Variants in MPP4 observed in about 807,000 individuals in gnomAD.
MPP4 encodes MAGUK p55 scaffold protein 4.
Under a neutral mutation model 98.3 loss-of-function variants are expected in MPP4, and 91 were observed. The observed-to-expected ratio is 0.93, with a 90% confidence interval of 0.78 to 1.10. The LOEUF is 1.10. Ranked by LOEUF, MPP4 falls within the 50% of genes least tolerant of loss-of-function variation. The probability of loss-of-function intolerance (pLI) is 0.00; values close to 1 mark genes in which losing one functional copy is unlikely to be tolerated. For missense variants in MPP4, 744 were observed against 792.9 expected (o/e 0.94, Z 0.74); for synonymous variants, 261 against 271.8 (o/e 0.96, Z 0.39).
At chr2:201,691,005 T>C (rs890821277) in intron 3 of MPP4, among the ~76,000 whole-genome samples, 11 of 152,226 alleles carry the variant, frequency 7.2e-5, no homozygotes, top group Non-Finnish European at 1.2e-4. Context: ...AGGGGCCGGC[T>C]GAGCCCCCAG....
chr2:201,680,656 C>T (rs894299921), intron 10 of MPP4, 182 bp downstream of exon 10: 18 of 564,230 alleles, frequency 3.2e-5, no homozygotes, highest in Non-Finnish European at 4.3e-5. Flanking sequence ...TTCTCGTCTC[C>T]TTGGTATTTA....
chr2:201,696,444 A>G (rs543293764), intron 1 of MPP4, among the ~76,000 whole-genome samples: 1 of 152,282 alleles, frequency 6.6e-6, no homozygotes, highest in South Asian at 2.1e-4. Flanking sequence ...TGAGGCTGAC[A>G]CTCAGGCTGA....
chr2:201,666,551 T>C, intron 12 of MPP4, 179 bp from the exon 13 acceptor site: 1 of 484,168 alleles, frequency 2.1e-6, no homozygotes, highest in East Asian at 3.6e-5. Flanking sequence ...TGAAACCATG[T>C]CTCTACCAAA....
At chr2:201,668,449 T>TTTCTCTTCTC (rs113238787) in intron 12 of MPP4, among the ~76,000 whole-genome samples, 3,061 of 149,842 alleles carry the variant, frequency 0.02, 68 homozygotes, top group African/African-American at 0.06. Flanking sequence ...TCTCTCTCTC[T>TTTCTCTTCTC]TTCTCTTCTC....
chr2:201,689,013 T>C (rs1198768153), intron 4 of MPP4, among the ~76,000 whole-genome samples: 1 of 152,068 alleles, frequency 6.6e-6, no homozygotes, highest in Non-Finnish European at 1.5e-5. Context: ...AGCAGCTTGA[T>C]TGTGTTCAGC....
intron 3 of MPP4, among the ~76,000 whole-genome samples, chr2:201,690,752 C>G (rs900096012): frequency 6.6e-6 from 1 of 152,190 alleles, no homozygotes; most frequent in African/African-American, 2.4e-5. Flanking sequence ...GGTGGGCATG[C>G]CACAAACGCT....
At chr2:201,658,243 G>C (rs1687915727) in intron 16 of MPP4, among the ~76,000 whole-genome samples, 1 of 152,122 alleles carries the variant, frequency 6.6e-6, no homozygotes, top group Non-Finnish European at 1.5e-5. Context: ...AAAACAAAAA[G>C]ATTTGTGTTT....
chr2:201,683,015 T>C, intron 7 of MPP4, 99 bp from the exon 8 acceptor site: 1 of 831,792 alleles, frequency 1.2e-6, no homozygotes, highest in South Asian at 1.6e-5. Context: ...AACCCAAGCA[T>C]GCTCTAAAAA....
At chr2:201,650,784 C>T in intron 18 of MPP4, 2 of 985,292 alleles carry the variant, frequency 2.0e-6, no homozygotes, top group Non-Finnish European at 2.4e-6. Flanking sequence ...GCATTAATAC[C>T]CAACCGAGTG....
chr2:201,693,152 CA>C, intron 2 of MPP4, 123 bp from the exon 3 acceptor site: 2 of 1,125,618 alleles, frequency 1.8e-6, no homozygotes, highest in South Asian at 1.7e-5. Context: ...GATCTCAGGC[CA>C]AAAGATCTGA....
chr2:201,647,019 A>G (rs1258467276), intron 21 of MPP4, among the ~76,000 whole-genome samples: 1 of 152,236 alleles, frequency 6.6e-6, no homozygotes. Flanking sequence ...CTGGGTGCAT[A>G]CACACATAAA....
intron 3 of MPP4, among the ~76,000 whole-genome samples, chr2:201,690,639 G>A (rs879442249): frequency 2.0e-5 from 3 of 152,196 alleles, no homozygotes; most frequent in Non-Finnish European, 4.4e-5. Context: ...GCGTCTTAAA[G>A]GAGGGGCCCT....
chr2:201,653,123 C>G (rs1215867552), intron 18 of MPP4, among the ~76,000 whole-genome samples: 1 of 152,140 alleles, frequency 6.6e-6, no homozygotes, highest in East Asian at 1.9e-4. Flanking sequence ...CCTGGGCTGA[C>G]TGTCTTATAC....
rs781185345 is a variant in MPP4 at position 201,680,971 on chromosome 2, C to T, written c.796G>A (p.Ala266Thr). 1.5e-5 allele frequency: 24 copies of T among 1,613,804 alleles called. No individual in the cohort carries two copies. The highest frequency in any genetic ancestry group is 6.7e-5 in the African/African-American group (5 of 74,890). Reference sequence around the variant, plus strand: ...TCCCCCTTCTGGAAAGGCAATCCAGCGTCCATGCAGGGGATGTCGGGATCC... The same window carrying T: ...TCCCCCTTCTGGAAAGGCAATCCAGTGTCCATGCAGGGGATGTCGGGATCC... ...QEDPDIPCMDAGLPFQKGDIL... is the reference protein window; with the variant it reads ...QEDPDIPCMDTGLPFQKGDIL... Residue 266 changes from alanine to threonine, a missense_variant, in exon 10 of 22, where the codon GCT becomes ACT. By Grantham distance (58) the Ala-to-Thr change is moderately conservative. Transcript: ENST00000409474.
At chr2:201,654,228 A>C (rs1370599723) in intron 18 of MPP4, among the ~76,000 whole-genome samples, 2 of 152,164 alleles carry the variant, frequency 1.3e-5, no homozygotes, top group African/African-American at 4.8e-5. Context: ...CACCCACTTC[A>C]GCCTCCCAAA....
intron 7 of MPP4, among the ~76,000 whole-genome samples, chr2:201,684,409 G>A (rs192693147): frequency 1.3e-5 from 2 of 152,260 alleles, no homozygotes; most frequent in Non-Finnish European, 2.9e-5. Flanking sequence ...CTCAAACGGT[G>A]TAACTCTGAG....
intron 14 of MPP4, among the ~76,000 whole-genome samples, chr2:201,662,814 A>G (rs909396342): frequency 6.6e-6 from 1 of 152,184 alleles, no homozygotes; most frequent in African/African-American, 2.4e-5. Context: ...TTAGAGACCA[A>G]TGAAATGGGA....
intron 12 of MPP4, among the ~76,000 whole-genome samples, chr2:201,668,918 C>A (rs1688258818): frequency 6.6e-6 from 1 of 152,176 alleles, no homozygotes; most frequent in South Asian, 2.1e-4. Context: ...GTGTCATACA[C>A]CTTTTTTGTT....
chr2:201,668,125 C>T (rs1299636746), intron 12 of MPP4, among the ~76,000 whole-genome samples: 2 of 151,970 alleles, frequency 1.3e-5, no homozygotes, highest in Non-Finnish European at 2.9e-5. Flanking sequence ...GAGGAAGGTA[C>T]AAAAAACCAG....
Sources: allele counts gnomAD v4.1 joint callset (sites outside exome capture counted in the v4.1 genomes callset), GRCh38; gene constraint gnomAD v4.1.1; transcripts MANE v1.5; gene names NCBI Gene and HGNC (gene_info 2026-07-23, HGNC 2026-07-21).